The following KATNAL2 variants were observed in gnomAD, a reference collection of about 807,000 sequenced individuals.
KATNAL2 encodes the protein katanin catalytic subunit A1 like 2.
Under a neutral mutation model 76.3 loss-of-function variants are expected in KATNAL2, and 52 were observed. That is an observed-to-expected ratio of 0.68 (90% CI 0.55 to 0.86). The LOEUF (loss-of-function observed/expected upper bound fraction) is 0.86. KATNAL2 is among the 40% of genes least tolerant of loss of function. The pLI is 0.00. For missense variants in KATNAL2, 660 were observed against 668.9 expected (o/e 0.99, Z 0.15); for synonymous variants, 243 against 244.2 (o/e 1.00, Z 0.05).
At chr18:47,057,391 A>G (rs2061502397) in intron 6 of KATNAL2, among the ~76,000 whole-genome samples, 1 of 152,336 alleles carries the variant, frequency 6.6e-6, no homozygotes, top group South Asian at 2.1e-4. Context: ...TGAATTTTAT[A>G]TCTAATTATG....
intron 1 of KATNAL2, among the ~76,000 whole-genome samples, chr18:46,943,841 AC>A (rs947758789): frequency 6.6e-6 from 1 of 151,984 alleles, no homozygotes; most frequent in Non-Finnish European, 1.5e-5. Context: ...CCAAACTTCT[AC>A]CTCCCAACTT....
chr18:47,068,929 T>C (rs2061902185), intron 11 of KATNAL2, among the ~76,000 whole-genome samples: 2 of 152,232 alleles, frequency 1.3e-5, no homozygotes, highest in South Asian at 2.1e-4. Context: ...ATGTAAGAAA[T>C]AACTGTTTAA....
chr18:47,080,073 G>A (rs1171567242), intron 15 of KATNAL2, among the ~76,000 whole-genome samples: 1 of 152,124 alleles, frequency 6.6e-6, no homozygotes, highest in Non-Finnish European at 1.5e-5. Context: ...TCAACAGCTG[G>A]AATTATTCTT....
Position 47,043,245 on chromosome 18 carries a change from A to AAAAT in KATNAL2, c.52-3212_52-3211insAAAT, listed in dbSNP as rs376877321. 1.7e-3 allele frequency among the ~76,000 whole-genome samples: 158 copies of AAAAT among 93,196 alleles called. 26 individuals are homozygous for AAAAT. The East Asian group carries it at 0.045, about 27-fold the overall frequency. 61.1% of individuals were successfully genotyped at this position (93,196 alleles called of 152,430 possible). A position where few individuals can be genotyped will look rare whatever the true frequency, so the allele number is the denominator to read the frequency against. On this transcript the variant is annotated intron_variant, in intron 3 of 17. Transcript: ENST00000683218. ...CCGTTTCAAAAAAAAAAAAAAAAAA[A>AAAAT]GAGATCCTAAAAGCTTCCTGGGAAG... is the stretch of plus-strand genomic sequence containing the variant.
chr18:46,928,781 C>A (rs754530039), intron 1 of KATNAL2, among the ~76,000 whole-genome samples: 23 of 152,054 alleles, frequency 1.5e-4, no homozygotes, highest in Non-Finnish European at 1.3e-4. Flanking sequence ...CCACCAGAAA[C>A]AACTTTTGAT....
In KATNAL2 at chr18:46,946,278, C is replaced by G. The variant is rs2059379364; in HGVS notation, c.-288C>G. ...TTTTCCACGTCTAATGAGAACAGGTCTGATGTGAAAGGAATTGGAGGAGAA... is the reference window on the plus strand; with the variant it reads ...TTTTCCACGTCTAATGAGAACAGGTGTGATGTGAAAGGAATTGGAGGAGAA... On this transcript the variant is annotated 5_prime_UTR_variant, in exon 2 of 18. Coordinates refer to ENST00000683218, the MANE Select transcript of KATNAL2 (RefSeq NM_001387690.1). 9.2e-7 allele frequency: 1 copy of G among 1,083,626 alleles called. No homozygotes were observed. Among genetic ancestry groups the G allele is most frequent in the Non-Finnish European group, 1.1e-6 (1 of 884,972 alleles). The allele number at this position is 1,083,626 out of a possible 1,614,324, so 67.1% of individuals were successfully genotyped here. A position where few individuals can be genotyped will look rare whatever the true frequency, so the allele number is the denominator to read the frequency against.
chr18:46,921,709 C>G (rs1243914559), intron 1 of KATNAL2, among the ~76,000 whole-genome samples: 1 of 151,522 alleles, frequency 6.6e-6, no homozygotes, highest in African/African-American at 2.4e-5. Flanking sequence ...AAAAAAAGCA[C>G]TTCATTAAGA....
In KATNAL2 at chr18:47,038,085, T is replaced by A. The variant is rs2146993377; in HGVS notation, c.52-8372T>A. ...TCGACTCTTTTGCAAACTGTGATTC[T>A]AATAAAAAAAAAGTGGAAATTCTTT... On this transcript the variant is annotated intron_variant, in intron 3 of 17. Coordinates refer to ENST00000683218, the MANE Select transcript of KATNAL2 (RefSeq NM_001387690.1). 1.3e-5 allele frequency among the ~76,000 whole-genome samples: 2 copies of A among 151,968 alleles called. 1 individual carries two copies. The highest frequency in any genetic ancestry group is 2.9e-5 in the Non-Finnish European group (2 of 67,974).
chr18:46,933,311 A>G (rs2058989104), intron 1 of KATNAL2, among the ~76,000 whole-genome samples: 1 of 152,244 alleles, frequency 6.6e-6, no homozygotes, highest in Non-Finnish European at 1.5e-5. Context: ...TTACCAATGC[A>G]AAGGCAAAAT....
intron 15 of KATNAL2, among the ~76,000 whole-genome samples, chr18:47,081,356 A>C (rs1011026156): frequency 7.2e-5 from 11 of 152,222 alleles, no homozygotes; most frequent in African/African-American, 2.7e-4. Flanking sequence ...AGTAAAAATA[A>C]ATTGGTGAAA....
At chr18:46,941,254 G>A (rs1347331441) in intron 1 of KATNAL2, among the ~76,000 whole-genome samples, 6 of 151,986 alleles carry the variant, frequency 3.9e-5, no homozygotes, top group East Asian at 1.9e-4. Flanking sequence ...CAGGGGAATC[G>A]CTTGATCCCA....
At chr18:47,078,354 T>C (rs2062342993) in intron 15 of KATNAL2, among the ~76,000 whole-genome samples, 1 of 152,234 alleles carries the variant, frequency 6.6e-6, no homozygotes, top group Non-Finnish European at 1.5e-5. Flanking sequence ...ATAATGTTCA[T>C]TTGTAATCTG....
chr18:47,047,103 T>A (rs2061185507), intron 4 of KATNAL2, among the ~76,000 whole-genome samples: 1 of 152,142 alleles, frequency 6.6e-6, no homozygotes, highest in South Asian at 2.1e-4. Context: ...GTATTTTTTG[T>A]ACAGACAGGG....
intron 1 of KATNAL2, among the ~76,000 whole-genome samples, chr18:46,934,839 A>G (rs935838879): frequency 6.6e-6 from 1 of 152,206 alleles, no homozygotes; most frequent in Non-Finnish European, 1.5e-5. Context: ...GGTGTAAGGA[A>G]GGGATCCAGT....
At chr18:47,093,236 T>C (rs563082980) in intron 15 of KATNAL2, among the ~76,000 whole-genome samples, 135 of 152,342 alleles carry the variant, frequency 8.9e-4, no homozygotes, top group African/African-American at 3.2e-3. Flanking sequence ...GAGAATTAAA[T>C]GAATTAATGT....
chr18:46,956,515 T>C (rs1390402450), intron 3 of KATNAL2, among the ~76,000 whole-genome samples: 2 of 152,176 alleles, frequency 1.3e-5, no homozygotes, highest in African/African-American at 4.8e-5. Flanking sequence ...CTTTACCAAT[T>C]TAATAAAGTG....
intron 1 of KATNAL2, among the ~76,000 whole-genome samples, chr18:46,939,942 T>C (rs770115634): frequency 6.6e-5 from 10 of 152,256 alleles, no homozygotes; most frequent in Non-Finnish European, 1.2e-4. Context: ...CTCTTTGTTT[T>C]GTTGATTATT....
At chr18:46,920,423 C>G (rs768482370) in intron 1 of KATNAL2, among the ~76,000 whole-genome samples, 3 of 152,158 alleles carry the variant, frequency 2.0e-5, no homozygotes, top group Non-Finnish European at 4.4e-5. Context: ...GAGAACCAAC[C>G]CTTCTTGTGA....
At chr18:47,075,494 A>G (rs2062174394) in intron 14 of KATNAL2, 126 bp downstream of exon 14, 3 of 549,610 alleles carry the variant, frequency 5.5e-6, no homozygotes, top group South Asian at 6.3e-5. Flanking sequence ...TAAGCCCACA[A>G]ATTTTCTGCA....
Sources: allele counts gnomAD v4.1 joint callset (sites outside exome capture counted in the v4.1 genomes callset), GRCh38; gene constraint gnomAD v4.1.1; transcripts MANE v1.5; gene names NCBI Gene and HGNC (gene_info 2026-07-23, HGNC 2026-07-21).